GLIS3: variants seen among roughly 807,000 people sequenced by gnomAD.
The protein encoded by GLIS3 is GLIS family zinc finger 3.
In GLIS3, 53 loss-of-function variants were observed where a neutral mutation model predicts 78.6. The ratio of observed to expected loss-of-function variants is 0.67; its 90% CI spans 0.54 to 0.85. The LOEUF (loss-of-function observed/expected upper bound fraction) is 0.85, where lower values mean the gene tolerates loss of function less well. Ranked by LOEUF, GLIS3 falls within the 40% of genes least tolerant of loss-of-function variation. The probability of loss-of-function intolerance (pLI) is 0.00; values close to 1 mark genes in which losing one functional copy is unlikely to be tolerated. For synonymous variants in GLIS3, 684 were observed against 509.9 expected, an observed-to-expected ratio of 1.34 and a Z score of -4.60; for missense variants, 1,703 against 1,231.1, an observed-to-expected ratio of 1.38 and a Z score of -5.74.
chr9:3,853,530 G>T (rs1191850060), intron 9 of GLIS3, among the ~76,000 whole-genome samples: 3 of 152,160 alleles, frequency 2.0e-5, no homozygotes, highest in Admixed American at 2.0e-4. Flanking sequence ...AGAAGGAAAA[G>T]CATTAAATTA....
intron 2 of GLIS3, among the ~76,000 whole-genome samples, chr9:4,311,275 G>GGT (rs1288096461): frequency 5.3e-5 from 8 of 152,170 alleles, no homozygotes; most frequent in African/African-American, 1.9e-4. Context: ...CGGGCGTGGT[G>GGT]GCACATGCCT....
chr9:4,113,725 G>A (rs1415180022), intron 4 of GLIS3, among the ~76,000 whole-genome samples: 1 of 152,088 alleles, frequency 6.6e-6, no homozygotes, highest in Admixed American at 6.6e-5. Flanking sequence ...CCATACATCA[G>A]GCCACAAAAG....
intron 2 of GLIS3, among the ~76,000 whole-genome samples, chr9:4,244,037 C>T (rs140118286): frequency 2.2e-3 from 330 of 152,338 alleles, no homozygotes; most frequent in Non-Finnish European, 1.8e-3. Flanking sequence ...CATGCACATA[C>T]GTGCATACAA....
the GLIS3 span, among the ~76,000 whole-genome samples, chr9:4,405,614 C>A: frequency 1.6e-4 from 24 of 151,992 alleles, no homozygotes; most frequent in African/African-American, 5.6e-4. Context: ...AGCCCAAGAC[C>A]CAACGGCTTC....
chr9:4,465,420 G>A, the GLIS3 span, among the ~76,000 whole-genome samples: 4 of 152,104 alleles, frequency 2.6e-5, no homozygotes, highest in South Asian at 4.2e-4. Flanking sequence ...ATGGTGACAC[G>A]CAACTGTAGT....
rs866678261 is a variant in GLIS3, at chr9:3,987,779, A to C, written c.1711-50590T>G. 6.2e-3 allele frequency among the ~76,000 whole-genome samples: 894 copies of C among 143,830 alleles called. 32 individuals carry two copies. The highest frequency in any genetic ancestry group is 0.016 in the African/African-American group (641 of 38,936). 94.4% of individuals were successfully genotyped at this position (143,830 alleles called of 152,430 possible). ...GATTTGGCAAAAAAAAAAAAAAAAA[A>C]AAAAAAAAACAAAACACAAACATAA... On this transcript the variant is annotated intron_variant, in intron 4 of 10. Transcript: ENST00000381971.
At chr9:4,164,649 G>C (rs1484647654) in intron 2 of GLIS3, among the ~76,000 whole-genome samples, 2 of 152,156 alleles carry the variant, frequency 1.3e-5, no homozygotes, top group Non-Finnish European at 2.9e-5. Context: ...CAAAGGAAAG[G>C]CTGCTTAGAG....
At chr9:4,336,990 A>G (rs1291188032) in intron 2 of GLIS3, among the ~76,000 whole-genome samples, 2 of 152,336 alleles carry the variant, frequency 1.3e-5, no homozygotes, top group South Asian at 2.1e-4. Flanking sequence ...ATGACTAATA[A>G]ATATTTAAAA....
intron 9 of GLIS3, among the ~76,000 whole-genome samples, chr9:3,848,995 C>T (rs556150298): frequency 6.6e-5 from 10 of 152,284 alleles, no homozygotes; most frequent in African/African-American, 1.9e-4. Flanking sequence ...AGAGGGAGGG[C>T]GCCCCCTTCC....
At chr9:4,095,674 G>A (rs1829881807) in intron 4 of GLIS3, among the ~76,000 whole-genome samples, 1 of 152,118 alleles carries the variant, frequency 6.6e-6, no homozygotes, top group South Asian at 2.1e-4. Flanking sequence ...AAGTGAGCGA[G>A]CTATAAATTT....
chr9:3,843,057 G>C (rs1008460091), intron 9 of GLIS3, among the ~76,000 whole-genome samples: 1 of 152,160 alleles, frequency 6.6e-6, no homozygotes, highest in African/African-American at 2.4e-5. Context: ...TCACATGTCA[G>C]TTCTTGGTCA....
the GLIS3 span, among the ~76,000 whole-genome samples, chr9:4,472,521 A>G: frequency 6.7e-6 from 1 of 149,762 alleles, no homozygotes; most frequent in African/African-American, 2.5e-5. Context: ...AAAAACAAAC[A>G]CTGCATATTC....
chr9:4,159,280 T>A (rs1485523006), intron 2 of GLIS3, among the ~76,000 whole-genome samples: 1 of 152,142 alleles, frequency 6.6e-6, no homozygotes, highest in African/African-American at 2.4e-5. Context: ...ACTGGAGAGT[T>A]TTCTCGCATT....
At chr9:4,354,674 GA>G in the GLIS3 span, among the ~76,000 whole-genome samples, 11 of 152,158 alleles carry the variant, frequency 7.2e-5, no homozygotes, top group Admixed American at 7.2e-4. Context: ...CTGGGATCAG[GA>G]GAATAACCCC....
Position 4,152,127 on chromosome 9 carries a change from C to T in GLIS3, c.389-26186G>A, listed in dbSNP as rs1288348779. The T allele has an allele frequency of 4.1e-6, 4 of 983,900 alleles. No individual in the cohort carries two copies. In the East Asian group the frequency reaches 4.5e-4, roughly 112 times the overall value. 60.9% of individuals were successfully genotyped at this position (983,900 alleles called of 1,614,324 possible). The stretch of plus-strand genomic sequence containing the variant: ...GGCCATTCAAACCTCTATTAGTTGC[C>T]ACTTCAGCAGCTGATGAAAACTCTG... On this transcript the variant is annotated intron_variant, in intron 2 of 10. Coordinates refer to ENST00000381971, the MANE Select transcript of GLIS3 (RefSeq NM_001042413.2).
intron 2 of GLIS3, among the ~76,000 whole-genome samples, chr9:4,331,405 G>T (rs1349349562): frequency 3.8e-4 from 58 of 152,008 alleles, no homozygotes; most frequent in Non-Finnish European, 1.0e-4. Context: ...TCCAAATAAG[G>T]TCACATCCAA....
intron 2 of GLIS3, among the ~76,000 whole-genome samples, chr9:4,160,004 C>G (rs1309245491): frequency 6.6e-6 from 1 of 152,148 alleles, no homozygotes; most frequent in Non-Finnish European, 1.5e-5. Context: ...ATCATCATCA[C>G]CATTATTATC....
chr9:3,886,010 C>A lies in GLIS3; in HGVS notation c.2129-6415G>T, dbSNP rs1414454377. ...CGAGGATTATAGAATGAGCAGAAAACACTGAGCATATGCCTGAACGCCAGT... is the reference window on the plus strand; with the variant it reads ...CGAGGATTATAGAATGAGCAGAAAAAACTGAGCATATGCCTGAACGCCAGT... On this transcript the variant is annotated intron_variant, in intron 7 of 10. Coordinates refer to ENST00000381971, the MANE Select transcript of GLIS3 (RefSeq NM_001042413.2). 3.9e-5 allele frequency among the ~76,000 whole-genome samples: 6 copies of A among 152,334 alleles called. No individual in the cohort carries two copies. In the East Asian group the frequency reaches 1.2e-3, roughly 29 times the overall value.
intron 2 of GLIS3, among the ~76,000 whole-genome samples, chr9:4,169,834 C>T (rs1193563195): frequency 1.3e-5 from 2 of 152,108 alleles, no homozygotes; most frequent in Non-Finnish European, 2.9e-5. Flanking sequence ...ATTGTTCTTG[C>T]AGTTTTTTTT....
Sources: allele counts gnomAD v4.1 joint callset (sites outside exome capture counted in the v4.1 genomes callset), GRCh38; gene constraint gnomAD v4.1.1; transcripts MANE v1.5; gene names NCBI Gene and HGNC (gene_info 2026-07-23, HGNC 2026-07-21).